Variants in RNF216 observed in about 807,000 individuals in gnomAD.
RNF216 encodes ring finger protein 216, also known as E3 ubiquitin-protein ligase RNF216.
RNF216 carries 72 observed loss-of-function variants against 110.8 expected under a neutral mutation model. The observed-to-expected ratio is 0.65, with a 90% CI of 0.54 to 0.79. RNF216 has a LOEUF of 0.79. Ranked by LOEUF, RNF216 falls within the 30% of genes least tolerant of loss-of-function variation. RNF216 has a pLI of 0.00. For missense variants in RNF216, 1,342 were observed against 1,141.2 expected (o/e 1.18, Z -2.54); for synonymous variants, 495 against 407.5 (o/e 1.21, Z -2.59).
chr7:5,715,714 C>G (rs945477721), intron 10 of RNF216, among the ~76,000 whole-genome samples: 3 of 149,220 alleles, frequency 2.0e-5, no homozygotes, highest in Non-Finnish European at 3.0e-5. Context: ...ACTATAGCAA[C>G]GGATCCAATC....
At position 5,714,962 on chromosome 7, in the gene RNF216, C is replaced by T. The variant is rs953441390; in HGVS notation, c.1833+91G>A. The T allele has an allele frequency of 1.2e-5, 15 of 1,254,206 alleles. No individual in the cohort carries two copies. The South Asian group carries it at 2.4e-4, about 20-fold the overall frequency. The allele number at this position is 1,254,206 out of a possible 1,614,324, so 77.7% of individuals were successfully genotyped here. ...TACCAGCAGAACTCCACCTCACCCTCAAAGAGGCACTTACACTTATCTATC... is the reference window on the plus strand; with the variant it reads ...TACCAGCAGAACTCCACCTCACCCTTAAAGAGGCACTTACACTTATCTATC... On this transcript the variant is annotated intron_variant, in intron 11 of 16. Coordinates refer to ENST00000389902, the MANE Select transcript of RNF216 (RefSeq NM_207111.4).
At chr7:5,708,086 C>T (rs907918491) in intron 13 of RNF216, among the ~76,000 whole-genome samples, 3 of 152,128 alleles carry the variant, frequency 2.0e-5, no homozygotes, top group Admixed American at 6.5e-5. Flanking sequence ...CTAAGTGTAT[C>T]GCCTTGTGGC....
chr7:5,703,067 C>T (rs1264144225), intron 13 of RNF216, among the ~76,000 whole-genome samples: 1 of 152,198 alleles, frequency 6.6e-6, no homozygotes, highest in Non-Finnish European at 1.5e-5. Context: ...GAAAGTGACT[C>T]ACCTTGGAGG....
intron 13 of RNF216, among the ~76,000 whole-genome samples, chr7:5,656,556 C>T (rs1788757597): frequency 6.6e-6 from 1 of 152,094 alleles, no homozygotes; most frequent in Non-Finnish European, 1.5e-5. Context: ...CAGCTCCCGC[C>T]CTCTCAGGGG....
intron 7 of RNF216, among the ~76,000 whole-genome samples, chr7:5,727,755 GATA>G (rs1457839495): frequency 6.6e-6 from 1 of 151,862 alleles, no homozygotes; most frequent in Non-Finnish European, 1.5e-5. Flanking sequence ...TGATGATGAT[GATA>G]ATAATACAGA....
At chr7:5,777,811 A>C (rs1415629846) in intron 1 of RNF216, among the ~76,000 whole-genome samples, 1 of 152,244 alleles carries the variant, frequency 6.6e-6, no homozygotes, top group African/African-American at 2.4e-5. Flanking sequence ...TTACAATAGG[A>C]AAGGTTTTAA....
intron 9 of RNF216, among the ~76,000 whole-genome samples, chr7:5,720,654 G>C (rs1337517328): frequency 6.6e-6 from 1 of 152,048 alleles, no homozygotes; most frequent in Non-Finnish European, 1.5e-5. Flanking sequence ...GAAACCCAGG[G>C]ATCTCTGGGT....
intron 5 of RNF216, among the ~76,000 whole-genome samples, chr7:5,738,729 AAAAT>A (rs1322377648): frequency 5.5e-4 from 78 of 140,958 alleles, no homozygotes; most frequent in East Asian, 2.3e-3. Context: ...AAAAAAAAAA[AAAAT>A]GCTTCCATGT....
chr7:5,642,541 T>A (rs1412476525), intron 14 of RNF216, among the ~76,000 whole-genome samples: 1 of 151,458 alleles, frequency 6.6e-6, no homozygotes, highest in Non-Finnish European at 1.5e-5. Context: ...CACTGCAACC[T>A]CCATTTCCTG....
rs570287644 is a variant in RNF216, at chr7:5,755,568, A to G, written c.68-2589T>C. 4.7e-4 allele frequency among the ~76,000 whole-genome samples: 71 copies of G among 152,300 alleles called. 1 individual carries two copies. The South Asian group carries it at 0.013, about 28-fold the overall frequency. On this transcript the variant is annotated intron_variant, in intron 2 of 16. Transcript: ENST00000389902. Reference sequence around the variant, plus strand: ...TTCTAATTGCGCAGATAAGTTTTGCATGTTTTTGAGTATATATTCTTCTCT... The same window carrying G: ...TTCTAATTGCGCAGATAAGTTTTGCGTGTTTTTGAGTATATATTCTTCTCT...
chr7:5,699,522 A>G (rs1277550071), intron 13 of RNF216, among the ~76,000 whole-genome samples: 1 of 152,246 alleles, frequency 6.6e-6, no homozygotes, highest in Non-Finnish European at 1.5e-5. Flanking sequence ...ATGATCTGAC[A>G]GAATTGAACA....
chr7:5,640,925 G>A (rs1394191164), intron 15 of RNF216, among the ~76,000 whole-genome samples: 2 of 152,132 alleles, frequency 1.3e-5, no homozygotes, highest in Non-Finnish European at 2.9e-5. Context: ...TTTATTTCCT[G>A]AAGAATTAAA....
intron 1 of RNF216, among the ~76,000 whole-genome samples, chr7:5,772,600 G>C (rs1584620879): frequency 6.6e-6 from 1 of 152,076 alleles, no homozygotes; most frequent in Admixed American, 6.6e-5. Flanking sequence ...GTAAGCCCCA[G>C]ATCGGGGCTT....
intron 13 of RNF216, among the ~76,000 whole-genome samples, chr7:5,707,831 C>G (rs1263718765): frequency 6.8e-6 from 1 of 147,368 alleles, no homozygotes; most frequent in African/African-American, 2.5e-5. Context: ...TCAAGCGATT[C>G]TCTCCTGCCT....
intron 13 of RNF216, among the ~76,000 whole-genome samples, chr7:5,671,831 G>GAAAAAAA (rs1789937880): frequency 1.6e-5 from 2 of 123,992 alleles, no homozygotes; most frequent in African/African-American, 7.6e-5. Flanking sequence ...AAAAAAAAAG[G>GAAAAAAA]ACAGAGAGAG....
rs376724290 is a variant in RNF216, at chr7:5,650,922, T to C, written c.2159+1491A>G. Among the ~76,000 whole-genome samples, 117 of 152,286 alleles carry C rather than the reference T, an allele frequency of 7.7e-4. 4 individuals are homozygous for C. The South Asian group carries it at 0.023, about 30-fold the overall frequency. On this transcript the variant is annotated intron_variant, in intron 14 of 16. Transcript: ENST00000389902. ...CCCAAATTGCCATTGCCCACTTCAT[T>C]TTCTGAGTACCAAACTCCTTCCATA...
chr7:5,735,102 C>T (rs1263867375), intron 5 of RNF216, among the ~76,000 whole-genome samples: 6 of 150,600 alleles, frequency 4.0e-5, no homozygotes, highest in East Asian at 2.0e-4. Flanking sequence ...GCCAGGATCA[C>T]GCCACTGCAC....
intron 14 of RNF216, among the ~76,000 whole-genome samples, chr7:5,646,691 TA>T (rs548162611): frequency 0.061 from 8,480 of 139,720 alleles, 744 homozygotes; most frequent in African/African-American, 0.2. Context: ...GACTCCATCT[TA>T]AAAAAAAAAA....
intron 13 of RNF216, among the ~76,000 whole-genome samples, chr7:5,709,823 T>C (rs1052427873): frequency 5.9e-5 from 9 of 152,314 alleles, no homozygotes; most frequent in African/African-American, 1.7e-4. Flanking sequence ...GGCGCAATCA[T>C]GGCTCAGTGC....
Sources: gnomAD v4.1 joint callset for allele counts (sites outside exome capture counted in the v4.1 genomes callset) on GRCh38, gnomAD v4.1.1 for gene constraint, MANE v1.5 for transcripts, NCBI Gene and HGNC (gene_info 2026-07-23, HGNC 2026-07-21) for gene names.